OXNAD1: variants seen among roughly 807,000 people sequenced by gnomAD.
OXNAD1 encodes the protein oxidoreductase NAD-binding domain-containing protein 1.
Under a neutral mutation model 32.9 loss-of-function variants are expected in OXNAD1, and 34 were observed. The observed-to-expected ratio is 1.03, with a 90% CI of 0.79 to 1.38. The LOEUF (loss-of-function observed/expected upper bound fraction) is 1.38, where lower values mean the gene tolerates loss of function less well. OXNAD1 is among the 40% of genes most tolerant of loss of function. The probability of loss-of-function intolerance (pLI) is 0.00; values close to 1 mark genes in which losing one functional copy is unlikely to be tolerated. For synonymous variants in OXNAD1, 134 were observed against 135.2 expected (o/e 0.99, Z 0.06); for missense variants, 407 against 379.4 (o/e 1.07, Z -0.60).
chr3:16,292,192 CT>C (rs34684511), intron 5 of OXNAD1, among the ~76,000 whole-genome samples: 40,102 of 134,184 alleles, frequency 0.3, 4,825 homozygotes, highest in Non-Finnish European at 0.35. Context: ...GTCTTCTTAA[CT>C]TTTTTTTTTT....
intron 4 of OXNAD1, among the ~76,000 whole-genome samples, chr3:16,276,928 T>C: frequency 7.3e-6 from 1 of 137,218 alleles, no homozygotes; most frequent in Admixed American, 7.2e-5. Context: ...TTTCTTTCTT[T>C]TTTTTTTTTT....
At chr3:16,332,716 T>C (rs1433984514) in intron 9 of OXNAD1, among the ~76,000 whole-genome samples, 1 of 152,238 alleles carries the variant, frequency 6.6e-6, no homozygotes, top group African/African-American at 2.4e-5. Context: ...TGTAGCTTCC[T>C]TCATTTTGCT....
chr3:16,280,748 A>G lies in OXNAD1; in HGVS notation c.184-5594A>G, dbSNP rs2065680007. On this transcript the variant is annotated intron_variant, in intron 4 of 8. Coordinates refer to ENST00000285083, the MANE Select transcript of OXNAD1 (RefSeq NM_138381.5). The surrounding 1 kb of genome is among the most constrained non-coding windows in gnomAD (Gnocchi z 4.5). Reference sequence around the variant, plus strand: ...GTACAGAGACTTTTGCACCAGCGGTAACATCAAAATATCCTACATAAAACC... The same window carrying G: ...GTACAGAGACTTTTGCACCAGCGGTGACATCAAAATATCCTACATAAAACC... 6.6e-6 allele frequency among the ~76,000 whole-genome samples: 1 copy of G among 152,226 alleles called. No individual in the cohort carries two copies.
In OXNAD1 at chr3:16,271,574, G is replaced by T; in HGVS notation, c.120-85G>T. 1.8e-6 allele frequency: 2 copies of T among 1,116,128 alleles called. No individual in the cohort carries two copies. The highest frequency in any genetic ancestry group is 4.9e-5 in the Admixed American group (2 of 40,998). 69.1% of individuals were successfully genotyped at this position (1,116,128 alleles called of 1,614,324 possible). A position where few individuals can be genotyped will look rare whatever the true frequency, so the allele number is the denominator to read the frequency against. ...ATCTGTAATGTTACACTGTATTTAG[G>T]ATAACCATGATATTTCAGGAAAAAC... is the stretch of plus-strand genomic sequence containing the variant. On this transcript the variant is annotated intron_variant, in intron 3 of 8. Coordinates refer to ENST00000285083, the MANE Select transcript of OXNAD1 (RefSeq NM_138381.5). The surrounding 1 kb of genome is among the most constrained non-coding windows in gnomAD (Gnocchi z 4.6).
At chr3:16,310,990 C>CAA (rs1449886260), downstream of OXNAD1, among the ~76,000 whole-genome samples, 5 of 48,462 alleles carry the variant, frequency 1.0e-4, no homozygotes, top group Non-Finnish European at 2.1e-4. Flanking sequence ...AACTCAGTCT[C>CAA]CAAAAAAAAA....
chr3:16,293,481 C>G (rs2066561573), intron 5 of OXNAD1, among the ~76,000 whole-genome samples: 1 of 152,220 alleles, frequency 6.6e-6, no homozygotes, highest in Admixed American at 6.5e-5. Context: ...CCTCTGCAAT[C>G]TGAATGCCTT....
intron 5 of OXNAD1, among the ~76,000 whole-genome samples, chr3:16,291,996 C>G (rs1185438495): frequency 6.6e-6 from 1 of 152,086 alleles, no homozygotes; most frequent in African/African-American, 2.4e-5. Context: ...TTGAACATCT[C>G]TTCATGTGCT....
chr3:16,310,600 C>G (rs893369641), downstream of OXNAD1, among the ~76,000 whole-genome samples: 1 of 152,154 alleles, frequency 6.6e-6, no homozygotes, highest in South Asian at 2.1e-4. Context: ...TATCTCTACT[C>G]TTTCTTCAAG....
rs1224763681 is a variant in OXNAD1, at chr3:16,316,406, G to A, written c.*30+12814G>A. On this transcript the variant is annotated intron_variant, in intron 9 of 9. Coordinates refer to the OXNAD1 transcript ENST00000435829. This position sits in a 1 kb window ranked among gnomAD's most constrained non-coding sequence, Gnocchi z 4.5. ...AAGTCACCAAGTAGCTGCAGGGGAT[G>A]GACACTGCCCCACACGATGTGGGAT... 4.7e-6 allele frequency: 1 copy of A among 212,836 alleles called. No homozygotes were observed. Among genetic ancestry groups the A allele is most frequent in the African/African-American group, 2.4e-5 (1 of 41,930 alleles). 13.2% of individuals were successfully genotyped at this position (212,836 alleles called of 1,614,324 possible).
At chr3:16,323,276 T>A in intron 9 of OXNAD1, 1 of 855,058 alleles carries the variant, frequency 1.2e-6, no homozygotes, top group Non-Finnish European at 1.9e-6. Context: ...CTGCGAGCCC[T>A]TGGAAGCTGG....
At chr3:16,295,570 A>G (rs559193764) in intron 6 of OXNAD1, among the ~76,000 whole-genome samples, 4 of 152,352 alleles carry the variant, frequency 2.6e-5, no homozygotes, top group African/African-American at 9.6e-5. Context: ...GCTGCCTGTC[A>G]TTACCTACTA....
chr3:16,270,485 T>C (rs896794765), intron 2 of OXNAD1, among the ~76,000 whole-genome samples: 1 of 152,218 alleles, frequency 6.6e-6, no homozygotes, highest in Non-Finnish European at 1.5e-5. Flanking sequence ...TTTTCTGTTT[T>C]GGTTTTTTAA....
chr3:16,309,236 T>TAA (rs2067786068), downstream of OXNAD1, among the ~76,000 whole-genome samples: 1 of 152,216 alleles, frequency 6.6e-6, no homozygotes, highest in African/African-American at 2.4e-5. Flanking sequence ...TTTTGGCTAT[T>TAA]ACAAGCAATA....
Position 16,302,820 on chromosome 3 carries a change from G to A in OXNAD1, c.784+72G>A. On this transcript the variant is annotated intron_variant, in intron 8 of 8. Coordinates refer to ENST00000285083, the MANE Select transcript of OXNAD1 (RefSeq NM_138381.5). This position sits in a 1 kb window ranked among gnomAD's most constrained non-coding sequence, Gnocchi z 4.2. ...TGGACACACCAGTTGGTTGAGCGTA[G>A]ATGCTTTATTGTTGGAAGCTGCTGG... 1 of 1,155,226 alleles carries A rather than the reference G, an allele frequency of 8.7e-7. No homozygotes were observed. The highest frequency in any genetic ancestry group is 1.3e-6 in the Non-Finnish European group (1 of 789,626). 71.6% of individuals were successfully genotyped at this position (1,155,226 alleles called of 1,614,324 possible).
chr3:16,318,819 T>C (rs2068721287), intron 9 of OXNAD1, among the ~76,000 whole-genome samples: 1 of 152,250 alleles, frequency 6.6e-6, no homozygotes, highest in Admixed American at 6.5e-5. Flanking sequence ...TGTCTCGTAC[T>C]GTAGCTGACA....
In OXNAD1 at chr3:16,280,818, T is replaced by C. The variant is rs2065685508; in HGVS notation, c.184-5524T>C. 6.6e-6 allele frequency among the ~76,000 whole-genome samples: 1 copy of C among 152,236 alleles called. No individual in the cohort carries two copies. Reference sequence around the variant, plus strand: ...ATGGAATTTCCTTTTAGATGCTGACTCTGCCTCAGCATTAAACATGTGTAC... The same window carrying C: ...ATGGAATTTCCTTTTAGATGCTGACCCTGCCTCAGCATTAAACATGTGTAC... On this transcript the variant is annotated intron_variant, in intron 4 of 8. Transcript: ENST00000285083. The surrounding 1 kb of genome is among the most constrained non-coding windows in gnomAD (Gnocchi z 4.5).
chr3:16,306,511 CA>C (rs1371096926), downstream of OXNAD1, among the ~76,000 whole-genome samples: 7 of 151,900 alleles, frequency 4.6e-5, no homozygotes, highest in African/African-American at 1.7e-4. Flanking sequence ...CTCATGGCCT[CA>C]AAAGTCCGAA....
chr3:16,267,532 TC>T (rs2064616643), intron 1 of OXNAD1, among the ~76,000 whole-genome samples: 1 of 152,122 alleles, frequency 6.6e-6, no homozygotes, highest in Non-Finnish European at 1.5e-5. Context: ...GGACCTTTGC[TC>T]TTGCTAGTCC....
intron 9 of OXNAD1, among the ~76,000 whole-genome samples, chr3:16,318,553 A>G (rs1481550467): frequency 2.0e-5 from 3 of 152,206 alleles, no homozygotes; most frequent in African/African-American, 7.2e-5. Flanking sequence ...CACGGTAGAG[A>G]TCTGTTTCCT....
Sources: gnomAD v4.1 joint callset for allele counts (sites outside exome capture counted in the v4.1 genomes callset) on GRCh38, gnomAD v4.1.1 for gene constraint, Gnocchi (gnomAD v3.1) non-coding constraint, MANE v1.5 for transcripts, NCBI Gene and HGNC (gene_info 2026-07-23, HGNC 2026-07-21) for gene names.